ANKRD12: variants seen among roughly 807,000 people sequenced by gnomAD.
ANKRD12 encodes the protein ankyrin repeat domain-containing protein 12.
In ANKRD12, 85 loss-of-function variants were observed where a neutral mutation model predicts 183.4. The observed-to-expected ratio is 0.46, with a 90% CI of 0.39 to 0.56. The LOEUF (loss-of-function observed/expected upper bound fraction) is 0.56. Among genes scored for constraint, ANKRD12 ranks in the 20% least tolerant of loss-of-function variants. The pLI is 0.00. For synonymous variants in ANKRD12, 914 were observed against 800.2 expected (o/e 1.14, Z -2.40); for missense variants, 2,405 against 2,357.1 (o/e 1.02, Z -0.42).
intron 8 of ANKRD12, among the ~76,000 whole-genome samples, chr18:9,241,643 A>G (rs900067750): frequency 2.6e-5 from 4 of 152,192 alleles, no homozygotes; most frequent in Non-Finnish European, 4.4e-5. Context: ...AGCATACAGC[A>G]TGGTAGGCAA....
At chr18:9,219,048 A>G (rs892791014) in intron 7 of ANKRD12, among the ~76,000 whole-genome samples, 12 of 152,236 alleles carry the variant, frequency 7.9e-5, no homozygotes, top group Admixed American at 3.3e-4. Flanking sequence ...ACCTACTTCT[A>G]ATTTATTGAC....
At position 9,218,725 on chromosome 18, in the gene ANKRD12, A is replaced by C. The variant is rs536102635; in HGVS notation, c.795+1825A>C. Among the ~76,000 whole-genome samples the C allele has an allele frequency of 4.3e-4, 64 of 148,192 alleles. No homozygotes were observed. The South Asian group carries it at 5.3e-3, about 12-fold the overall frequency. On this transcript the variant is annotated intron_variant, in intron 7 of 12. Transcript: ENST00000262126. ...TGCTGTATCACCCACACTAGAGTGT[A>C]GTGGTGCAATCACAGATTACTGCAG...
chr18:9,275,805 C>A, intron 11 of ANKRD12, 138 bp downstream of exon 11: 1 of 773,052 alleles, frequency 1.3e-6, no homozygotes, highest in South Asian at 2.8e-5. Context: ...TCTTTCAAGC[C>A]AGAGTACTTC....
At chr18:9,250,849 T>G (rs1598696514) in intron 8 of ANKRD12, among the ~76,000 whole-genome samples, 1 of 152,142 alleles carries the variant, frequency 6.6e-6, no homozygotes, top group Middle Eastern at 3.4e-3. Flanking sequence ...GCCACGGAGG[T>G]GAGGAATACT....
intron 1 of ANKRD12, among the ~76,000 whole-genome samples, chr18:9,144,719 TAA>T (rs796924207): frequency 3.4e-4 from 52 of 152,340 alleles, no homozygotes; most frequent in African/African-American, 1.2e-3. Flanking sequence ...TTAAATCATT[TAA>T]AGTTATACAT....
At chr18:9,226,352 G>A (rs1274572603) in intron 8 of ANKRD12, among the ~76,000 whole-genome samples, 1 of 151,968 alleles carries the variant, frequency 6.6e-6, no homozygotes, top group Non-Finnish European at 1.5e-5. Context: ...TTAAACCTGG[G>A]AGGCAGAAGT....
chr18:9,202,658 A>T (rs1427853560), intron 3 of ANKRD12, among the ~76,000 whole-genome samples: 1 of 152,178 alleles, frequency 6.6e-6, no homozygotes, highest in East Asian at 1.9e-4. Flanking sequence ...TATGTGGGAG[A>T]GAGAATGGCT....
At chr18:9,243,285 G>C (rs1380352276) in intron 8 of ANKRD12, among the ~76,000 whole-genome samples, 1 of 152,184 alleles carries the variant, frequency 6.6e-6, no homozygotes, top group Non-Finnish European at 1.5e-5. Context: ...ATGCCCCAGA[G>C]AATCTCTGAA....
chr18:9,255,760 G>T lies in ANKRD12; in HGVS notation c.2493G>T (p.Lys831Asn). ...AGAAGCGATCTCAAATTAAAGAAAA[G>T]GACATTGAGAAGATGGAAAGAAAAA... Reference protein sequence around the residue: ...KPEKRSQIKEKDIEKMERKTF... With the variant: ...KPEKRSQIKENDIEKMERKTF... Residue 831 changes from lysine (K) to asparagine (N), a missense_variant, in exon 9 of 13, where the codon AAG (lysine) becomes AAT (asparagine). Coordinates refer to ENST00000262126, the MANE Select transcript of ANKRD12 (RefSeq NM_015208.5). 6.3e-7 allele frequency: 1 copy of T among 1,580,318 alleles called. No individual in the cohort carries two copies.
At chr18:9,165,099 T>G (rs1334316166) in intron 1 of ANKRD12, among the ~76,000 whole-genome samples, 1 of 152,204 alleles carries the variant, frequency 6.6e-6, no homozygotes, top group Non-Finnish European at 1.5e-5. Context: ...GTTGCATATG[T>G]ACTTAGGATA....
chr18:9,225,271 C>T lies in ANKRD12; in HGVS notation c.943+3272C>T, dbSNP rs996416727. Among the ~76,000 whole-genome samples the T allele has an allele frequency of 1.3e-4, 12 of 92,102 alleles. 3 individuals are homozygous for T. Among genetic ancestry groups the T allele is most frequent in the African/African-American group, 3.8e-4 (12 of 31,630 alleles). The allele number at this position is 92,102 out of a possible 152,430, so 60.4% of individuals were successfully genotyped here. On this transcript the variant is annotated intron_variant, in intron 8 of 12. Coordinates refer to ENST00000262126, the MANE Select transcript of ANKRD12 (RefSeq NM_015208.5). ...GACAGATCACTTGAGCCCAGGAGTT[C>T]GAGACCAGCCTGGGCAACATGGTGA...
intron 1 of ANKRD12, 112 bp from the exon 2 acceptor site, chr18:9,182,268 CTT>C (rs2033748777): frequency 3.0e-6 from 1 of 332,996 alleles, no homozygotes; most frequent in Non-Finnish European, 5.5e-6. Context: ...AGGATAGCCT[CTT>C]TGAGAAAATA....
At chr18:9,216,470 A>G (rs1419078747) in intron 6 of ANKRD12, among the ~76,000 whole-genome samples, 1 of 152,234 alleles carries the variant, frequency 6.6e-6, no homozygotes, top group East Asian at 1.9e-4. Flanking sequence ...ACAGTAGGCT[A>G]TTAGTAAAGT....
chr18:9,227,080 CAGA>C (rs2036761355), intron 8 of ANKRD12, among the ~76,000 whole-genome samples: 1 of 151,938 alleles, frequency 6.6e-6, no homozygotes. Flanking sequence ...ACTGTGGTGA[CAGA>C]AGAGAATATT....
At chr18:9,208,350 T>C (rs575562676) in intron 4 of ANKRD12, among the ~76,000 whole-genome samples, 23 of 152,212 alleles carry the variant, frequency 1.5e-4, no homozygotes, top group Non-Finnish European at 3.2e-4. Context: ...ATGTCTGCAC[T>C]GTTATCAAGG....
chr18:9,150,715 G>A (rs1219630075), intron 1 of ANKRD12, among the ~76,000 whole-genome samples: 2 of 152,170 alleles, frequency 1.3e-5, no homozygotes, highest in East Asian at 1.9e-4. Flanking sequence ...GTGCAGTGGT[G>A]TGATTTCGGC....
intron 10 of ANKRD12, among the ~76,000 whole-genome samples, chr18:9,266,330 T>G (rs1241705869): frequency 6.6e-6 from 1 of 152,024 alleles, no homozygotes; most frequent in East Asian, 1.9e-4. Flanking sequence ...TCACCAAAGT[T>G]GAAATGAAGG....
chr18:9,166,392 G>T (rs2032070988), intron 1 of ANKRD12, among the ~76,000 whole-genome samples: 2 of 152,160 alleles, frequency 1.3e-5, no homozygotes, highest in African/African-American at 4.8e-5. Flanking sequence ...GTTGTTTCCT[G>T]ACTTTTTAAT....
chr18:9,211,407 G>A (rs1017905873), intron 5 of ANKRD12, among the ~76,000 whole-genome samples, 177 bp from the exon 6 acceptor site: 6 of 150,552 alleles, frequency 4.0e-5, no homozygotes, highest in African/African-American at 1.4e-4. Context: ...TAACCCTGAA[G>A]GGAAGATCTC....
Sources: allele counts gnomAD v4.1 joint callset (sites outside exome capture counted in the v4.1 genomes callset), GRCh38; gene constraint gnomAD v4.1.1; transcripts MANE v1.5; gene names NCBI Gene and HGNC (gene_info 2026-07-23, HGNC 2026-07-21).